Variants in DECR1 observed in about 807,000 individuals in gnomAD.
DECR1 encodes 2,4-dienoyl-CoA reductase [(3E)-enoyl-CoA-producing], mitochondrial.
A neutral mutation model predicts 38.8 loss-of-function variants in DECR1; 44 were observed. That is an observed-to-expected ratio of 1.13 (90% confidence interval 0.89 to 1.46). The LOEUF (loss-of-function observed/expected upper bound fraction) is 1.46, where lower values mean the gene tolerates loss of function less well. Among genes scored for constraint, DECR1 ranks in the 40% most tolerant of loss-of-function variants. The pLI is 0.00. For missense variants in DECR1, 428 were observed against 405.5 expected (o/e 1.06, Z -0.48); for synonymous variants, 148 against 135.2 (o/e 1.09, Z -0.66).
In DECR1 at chr8:90,020,127, G is replaced by C. The variant is rs573195026; in HGVS notation, c.418-782G>C. On this transcript the variant is annotated intron_variant, in intron 4 of 9. Transcript: ENST00000220764. ...TGCTTGGTACATTTATCGGAGAGAA[G>C]CCGTTTCTTCCAGTAGTCTCAAAGA... 3.3e-5 allele frequency among the ~76,000 whole-genome samples: 5 copies of C among 152,292 alleles called. No homozygotes were observed. The South Asian group carries it at 1.0e-3, about 32-fold the overall frequency.
At chr8:90,030,271 T>C (rs1427690578) in intron 5 of DECR1, among the ~76,000 whole-genome samples, 6 of 152,124 alleles carry the variant, frequency 3.9e-5, no homozygotes, top group Non-Finnish European at 2.9e-5. Context: ...GGCCATAGAC[T>C]GGTATGGGGC....
intron 1 of DECR1, among the ~76,000 whole-genome samples, chr8:90,010,860 AT>A (rs1195992848): frequency 6.6e-6 from 1 of 151,606 alleles, no homozygotes; most frequent in African/African-American, 2.4e-5. Context: ...ATTCTAGGCC[AT>A]TTTTTTTCTT....
In DECR1 at chr8:90,044,928, CT is replaced by C. The variant is rs771832515; in HGVS notation, c.819del (p.Val274Ter). The C allele has an allele frequency of 6.2e-7, 1 of 1,613,800 alleles. No individual in the cohort carries two copies. The highest frequency in any genetic ancestry group is 8.5e-7 in the Non-Finnish European group (1 of 1,179,834). ...AGAATTCCCTGTGGTCGCCTGGGGACTGTAGAAGAACTCGCAAATCTTGCTG... is the reference window on the plus strand; with the variant it reads ...AGAATTCCCTGTGGTCGCCTGGGGACGTAGAAGAACTCGCAAATCTTGCTG... ...IGRIPCGRLG[T>X]VEELANLAAF... On this transcript the variant is annotated frameshift_variant, in exon 8 of 10. Transcript: ENST00000220764. LOFTEE classifies it high-confidence loss of function.
chr8:90,015,036 T>C (rs1812972068), intron 1 of DECR1, among the ~76,000 whole-genome samples: 1 of 152,188 alleles, frequency 6.6e-6, no homozygotes, highest in Admixed American at 6.5e-5. Context: ...GATTTACAAA[T>C]GTATCTTCAA....
chr8:90,050,925 C>T (rs888207784), intron 8 of DECR1, among the ~76,000 whole-genome samples: 7 of 152,178 alleles, frequency 4.6e-5, no homozygotes, highest in African/African-American at 1.4e-4. Context: ...CTCACAAAGA[C>T]AGAAAACCAA....
At chr8:90,024,796 T>G (rs1813286141) in intron 5 of DECR1, among the ~76,000 whole-genome samples, 1 of 152,224 alleles carries the variant, frequency 6.6e-6, no homozygotes. Flanking sequence ...CCCTTGCCCA[T>G]GCCTATGTCC....
chr8:90,018,354 T>C (rs1055365694), intron 2 of DECR1, among the ~76,000 whole-genome samples: 3 of 152,214 alleles, frequency 2.0e-5, no homozygotes, highest in Admixed American at 2.0e-4. Flanking sequence ...GGTTTAAAAA[T>C]CCACCCCTTC....
chr8:90,009,757 G>T (rs1433187571), intron 1 of DECR1, among the ~76,000 whole-genome samples: 2 of 152,184 alleles, frequency 1.3e-5, no homozygotes, highest in African/African-American at 2.4e-5. Flanking sequence ...AATAAGAGAT[G>T]ACTCAAATCA....
At chr8:90,018,700 T>C in intron 2 of DECR1, 1 of 486,382 alleles carries the variant, frequency 2.1e-6, no homozygotes, top group Non-Finnish European at 3.7e-6. Flanking sequence ...AGTAAACTGG[T>C]TTAAAAGTGA....
intron 5 of DECR1, among the ~76,000 whole-genome samples, chr8:90,022,832 T>A (rs968160512): frequency 5.9e-5 from 9 of 152,186 alleles, no homozygotes; most frequent in African/African-American, 1.9e-4. Flanking sequence ...GACTCTCCCT[T>A]CTTCCCTCAT....
At chr8:90,039,135 A>G (rs891659936) in intron 6 of DECR1, among the ~76,000 whole-genome samples, 2 of 152,148 alleles carry the variant, frequency 1.3e-5, no homozygotes, top group African/African-American at 2.4e-5. Flanking sequence ...GTCTTACTAA[A>G]TAAGGCATTA....
At chr8:90,009,975 A>T (rs1812842676) in intron 1 of DECR1, among the ~76,000 whole-genome samples, 1 of 152,220 alleles carries the variant, frequency 6.6e-6, no homozygotes, top group Non-Finnish European at 1.5e-5. Context: ...CTGATACAAA[A>T]TGTATCATTC....
intron 5 of DECR1, among the ~76,000 whole-genome samples, chr8:90,033,492 T>C (rs1813545993): frequency 6.6e-6 from 1 of 152,132 alleles, no homozygotes; most frequent in South Asian, 2.1e-4. Flanking sequence ...AGAAGGAAAA[T>C]ATATGTGACT....
chr8:90,011,408 T>C (rs916135378), intron 1 of DECR1, among the ~76,000 whole-genome samples: 2 of 152,200 alleles, frequency 1.3e-5, no homozygotes, highest in African/African-American at 4.8e-5. Context: ...AAACAATTCT[T>C]TAATGAATCT....
rs566850893 is a variant in DECR1 at position 90,027,577 on chromosome 8, C to T, written c.565+6521C>T. 4.9e-3 allele frequency among the ~76,000 whole-genome samples: 746 copies of T among 152,080 alleles called. 10 individuals carry two copies. The highest frequency in any genetic ancestry group is 0.017 in the Middle Eastern group (5 of 294). On this transcript the variant is annotated intron_variant, in intron 5 of 9. Transcript: ENST00000220764. Reference sequence around the variant, plus strand: ...TTTGTTTTCCATTTGCTTGGTAGATCTTCCTCCATCCCTTTATTTTGAGCC... The same window carrying T: ...TTTGTTTTCCATTTGCTTGGTAGATTTTCCTCCATCCCTTTATTTTGAGCC...
intron 1 of DECR1, chr8:90,006,072 C>T: frequency 1.6e-6 from 1 of 630,550 alleles, no homozygotes; most frequent in Non-Finnish European, 2.9e-6. Context: ...GATGGATCTG[C>T]CACCATAACC....
chr8:90,012,287 G>A (rs1812905083), intron 1 of DECR1, among the ~76,000 whole-genome samples: 1 of 151,716 alleles, frequency 6.6e-6, no homozygotes, highest in Non-Finnish European at 1.5e-5. Context: ...CGAATAGCTG[G>A]GACTACAGGC....
At chr8:90,013,542 G>GT (rs1812938825) in intron 1 of DECR1, among the ~76,000 whole-genome samples, 1 of 151,478 alleles carries the variant, frequency 6.6e-6, no homozygotes. Context: ...CACTTTTCCT[G>GT]TGTGAGTCGG....
At chr8:90,037,111 C>T (rs553210232) in intron 6 of DECR1, 171 bp downstream of exon 6, 202 of 551,146 alleles carry the variant, frequency 3.7e-4, no homozygotes, top group Non-Finnish European at 5.5e-4. Flanking sequence ...TCTATAGCAG[C>T]GCTGTCCTGT....
Sources: gnomAD v4.1 joint callset for allele counts (sites outside exome capture counted in the v4.1 genomes callset) on GRCh38, gnomAD v4.1.1 for gene constraint, MANE v1.5 for transcripts, NCBI Gene and HGNC (gene_info 2026-07-23, HGNC 2026-07-21) for gene names.